GNG12: variants seen among roughly 807,000 people sequenced by gnomAD.
GNG12 encodes the protein guanine nucleotide-binding protein G(I)/G(S)/G(O) subunit gamma-12.
For synonymous variants in GNG12, 28 were observed against 29.7 expected, an observed-to-expected ratio of 0.94 and a Z score of 0.19; for missense variants, 69 against 83.8, an observed-to-expected ratio of 0.82 and a Z score of 0.69.
chr1:67,768,901 G>A (rs1284677197), intron 2 of GNG12, among the ~76,000 whole-genome samples: 2 of 152,170 alleles, frequency 1.3e-5, no homozygotes, highest in East Asian at 3.9e-4. Flanking sequence ...TTTAGGCCAA[G>A]AGAATATAGA....
intron 2 of GNG12, among the ~76,000 whole-genome samples, chr1:67,742,150 C>T (rs1444268624): frequency 3.9e-5 from 6 of 152,226 alleles, no homozygotes; most frequent in South Asian, 2.1e-4. Context: ...TAGGGTGAAC[C>T]GGCAGATTCT....
At chr1:67,731,684 T>C (rs1646421068) in intron 2 of GNG12, among the ~76,000 whole-genome samples, 1 of 152,230 alleles carries the variant, frequency 6.6e-6, no homozygotes, top group Non-Finnish European at 1.5e-5. Flanking sequence ...GGATTTTGAA[T>C]TTTATGCTGG....
In GNG12 at chr1:67,707,723, T is replaced by A. The variant is rs968956579; in HGVS notation, c.-26-11A>T. On this transcript the variant is annotated splice_polypyrimidine_tract_variant and intron_variant, in intron 2 of 3. Coordinates refer to ENST00000370982, the MANE Select transcript of GNG12 (RefSeq NM_018841.6). ...GTTTTTACCTGAAATCTGAGGAGAA[T>A]TTTTTTTAAAGACAAGTAACAGGCA... 2.1e-6 allele frequency: 3 copies of A among 1,403,394 alleles called. No individual in the cohort carries two copies. The Admixed American group carries it at 6.5e-5, about 31-fold the overall frequency. The allele number at this position is 1,403,394 out of a possible 1,614,324, so 86.9% of individuals were successfully genotyped here. A position where few individuals can be genotyped will look rare whatever the true frequency, so the allele number is the denominator to read the frequency against.
chr1:67,806,194 A>C (rs1301096802), intron 1 of GNG12, among the ~76,000 whole-genome samples: 1 of 152,224 alleles, frequency 6.6e-6, no homozygotes, highest in African/African-American at 2.4e-5. Context: ...TCAGATCTAC[A>C]TAAAGAAAGA....
At chr1:67,756,138 C>A (rs376959230) in intron 2 of GNG12, among the ~76,000 whole-genome samples, 1 of 152,050 alleles carries the variant, frequency 6.6e-6, no homozygotes, top group African/African-American at 2.4e-5. Flanking sequence ...CAAAAGAGTG[C>A]AGTAAATGTT....
At chr1:67,801,849 TG>T (rs1646867504) in intron 1 of GNG12, among the ~76,000 whole-genome samples, 1 of 150,330 alleles carries the variant, frequency 6.7e-6, no homozygotes. Context: ...AATGAAAAAA[TG>T]TATACAAGAC....
rs1392166544 is a variant in GNG12 at position 67,771,073 on chromosome 1, A to T, written c.-27+6385T>A. On this transcript the variant is annotated intron_variant, in intron 2 of 3. Coordinates refer to ENST00000370982, the MANE Select transcript of GNG12 (RefSeq NM_018841.6). ...TGGCCTTAGAACTTCTCATTACCAG[A>T]AAAGTAACCAGAAAAGTCATGGGCC... 2.0e-5 allele frequency among the ~76,000 whole-genome samples: 3 copies of T among 152,324 alleles called. No homozygotes were observed. In the East Asian group the frequency reaches 5.8e-4, roughly 29 times the overall value.
chr1:67,761,397 T>C (rs1646603655), intron 2 of GNG12, among the ~76,000 whole-genome samples: 1 of 152,212 alleles, frequency 6.6e-6, no homozygotes, highest in Non-Finnish European at 1.5e-5. Flanking sequence ...CACTCAGCTG[T>C]AGCATCCTGA....
chr1:67,814,623 C>T (rs1646943488), intron 1 of GNG12, among the ~76,000 whole-genome samples: 1 of 152,204 alleles, frequency 6.6e-6, no homozygotes, highest in African/African-American at 2.4e-5. Context: ...GACTTTCTGT[C>T]CTCTTGTAGA....
chr1:67,804,625 A>G (rs1006494831), intron 1 of GNG12, among the ~76,000 whole-genome samples: 2 of 152,168 alleles, frequency 1.3e-5, no homozygotes, highest in Non-Finnish European at 2.9e-5. Context: ...GTAGAGAAGT[A>G]AAGTGACAGG....
intron 2 of GNG12, among the ~76,000 whole-genome samples, chr1:67,737,376 C>T (rs536892294): frequency 6.6e-6 from 1 of 152,320 alleles, no homozygotes; most frequent in East Asian, 1.9e-4. Flanking sequence ...GGCAATACCT[C>T]ATTTATTGGC....
intron 2 of GNG12, among the ~76,000 whole-genome samples, chr1:67,714,674 G>A (rs1219442839): frequency 1.3e-5 from 2 of 152,202 alleles, no homozygotes; most frequent in East Asian, 3.8e-4. Context: ...GGGCTGGAAA[G>A]TGGAAAACTA....
intron 2 of GNG12, among the ~76,000 whole-genome samples, chr1:67,766,118 A>G (rs763353299): frequency 0.013 from 801 of 61,720 alleles, 7 homozygotes; most frequent in African/African-American, 0.035. Flanking sequence ...ACACACACAC[A>G]CACACACACA....
chr1:67,809,954 C>T lies in GNG12; in HGVS notation c.-77+23390G>A, dbSNP rs561838713. ...CCAAAATAAACTGAAGACATATGCC[C>T]GAAAATTTGCACATGGATGTTTACA... On this transcript the variant is annotated intron_variant, in intron 1 of 3. Coordinates refer to ENST00000370982, the MANE Select transcript of GNG12 (RefSeq NM_018841.6). Among the ~76,000 whole-genome samples the T allele has an allele frequency of 4.6e-5, 7 of 152,202 alleles. No homozygotes were observed. The East Asian group carries it at 7.7e-4, about 17-fold the overall frequency.
intron 2 of GNG12, among the ~76,000 whole-genome samples, chr1:67,725,858 A>C (rs1646381905): frequency 6.6e-6 from 1 of 152,230 alleles, no homozygotes; most frequent in East Asian, 1.9e-4. Flanking sequence ...AAGTTCATTA[A>C]AATTTTTCTT....
rs1254584862 is a variant in GNG12 at position 67,724,466 on chromosome 1, T to G, written c.-26-16754A>C. The stretch of plus-strand genomic sequence containing the variant: ...GTGCAGTGGCGTGATCTTGGCTCAC[T>G]GCAACCTCCGCTTCCCAGGTTCAAG... On this transcript the variant is annotated intron_variant, in intron 2 of 3. Transcript: ENST00000370982. Among the ~76,000 whole-genome samples, 5 of 152,210 alleles carry G rather than the reference T, an allele frequency of 3.3e-5. 1 individual carries two copies. Among genetic ancestry groups the G allele is most frequent in the Non-Finnish European group, 1.5e-5 (1 of 68,038 alleles).
intron 1 of GNG12, among the ~76,000 whole-genome samples, chr1:67,779,870 GT>G (rs1646727547): frequency 6.6e-6 from 1 of 152,162 alleles, no homozygotes; most frequent in South Asian, 2.1e-4. Context: ...AGAGCCTATT[GT>G]GTCTAGGCTA....
At chr1:67,813,639 C>T (rs2000406) in intron 1 of GNG12, among the ~76,000 whole-genome samples, 33,981 of 152,014 alleles carry the variant, frequency 0.22, 4,276 homozygotes, top group East Asian at 0.4. Flanking sequence ...AAATAGTTCA[C>T]TGATCCCGCT....
In GNG12 at chr1:67,706,654, TTC is replaced by T. The variant is rs1491055748; in HGVS notation, c.93+938_93+939del. ...TGCTTCAGTTTCTTTTTTCTTTTCT[TTC>T]TTTTTTTTTTTTTTTTGAGATGAAG... On this transcript the variant is annotated intron_variant, in intron 3 of 3. Transcript: ENST00000370982. 2.3e-3 allele frequency among the ~76,000 whole-genome samples: 212 copies of T among 92,132 alleles called. 1 individual carries two copies. The highest frequency in any genetic ancestry group is 7.6e-3 in the African/African-American group (205 of 27,128). 60.4% of individuals were successfully genotyped at this position (92,132 alleles called of 152,430 possible).
Sources: gnomAD v4.1 joint callset for allele counts (sites outside exome capture counted in the v4.1 genomes callset) on GRCh38, gnomAD v4.1.1 for gene constraint, MANE v1.5 for transcripts, NCBI Gene and HGNC (gene_info 2026-07-23, HGNC 2026-07-21) for gene names.